CLCN4: variants seen among roughly 807,000 people sequenced by gnomAD.
CLCN4 encodes Cl-/H+ antiporter 4.
Under a neutral mutation model 41.7 loss-of-function variants are expected in CLCN4, and 1 was observed. The ratio of observed to expected loss-of-function variants is 0.02; its 90% CI spans 0.01 to 0.11. The LOEUF (loss-of-function observed/expected upper bound fraction) is 0.11, where lower values mean the gene tolerates loss of function less well. Among genes scored for constraint, CLCN4 ranks in the 10% least tolerant of loss-of-function variants. CLCN4 has a pLI of 1.00. For synonymous variants in CLCN4, 277 were observed against 285.8 expected (o/e 0.97, Z 0.31); for missense variants, 287 against 661.0 (o/e 0.43, Z 6.20).
rs780096372 is a variant in CLCN4, at chrX:10,233,509, C to T, written c.2208C>T (p.Ile736=). 2 of 1,207,974 alleles carry T rather than the reference C, an allele frequency of 1.7e-6. No individual in the cohort carries two copies. Among genetic ancestry groups the T allele is most frequent in the Non-Finnish European group, 1.1e-6 (1 of 892,211 alleles). The change falls in exon 13 of 13, where the codon ATC becomes ATT. Residue 736 remains isoleucine, a synonymous_variant. Transcript: ENST00000380833. ...TCTTCTCCAGGAGACTTCTTGGCAT[C>T]ATCACAAAAAAGGATGTTCTGAGAC... ...LVTRSGRLLG[I]ITKKDVLRHM...
At chrX:10,229,305 A>G in intron 12 of CLCN4, among the ~76,000 whole-genome samples, 1 of 110,837 alleles carries the variant, frequency 9.0e-6, no homozygotes, top group Non-Finnish European at 1.9e-5. Flanking sequence ...TCTGGGAGGA[A>G]ACCTTGTTTA....
At chrX:10,163,098 C>T (rs764932328) in intron 2 of CLCN4, among the ~76,000 whole-genome samples, 4 of 113,735 alleles carry the variant, frequency 3.5e-5, no homozygotes, top group Non-Finnish European at 7.5e-5. Flanking sequence ...TTAACCTGTG[C>T]TCCAGGTGCC....
chrX:10,160,425 T>C (rs1923062031), intron 2 of CLCN4, among the ~76,000 whole-genome samples: 1 of 108,488 alleles, frequency 9.2e-6, no homozygotes, highest in African/African-American at 3.4e-5. Flanking sequence ...GAAAGGAGAG[T>C]GTTAGGGAAA....
intron 12 of CLCN4, among the ~76,000 whole-genome samples, chrX:10,226,257 A>G (rs1002855390): frequency 1.8e-5 from 2 of 111,572 alleles, no homozygotes; most frequent in Non-Finnish European, 3.8e-5. Flanking sequence ...CCACCACACA[A>G]CTACATGGAA....
At chrX:10,218,372 A>G (rs1282897330) in intron 11 of CLCN4, among the ~76,000 whole-genome samples, 2 of 111,972 alleles carry the variant, frequency 1.8e-5, no homozygotes, top group Non-Finnish European at 3.8e-5. Context: ...CTTTTTCAAC[A>G]CAGACTCCCA....
rs1026361823 is a variant in CLCN4 at position 10,214,848 on chromosome X, C to G, written c.1975+769C>G. Among the ~76,000 whole-genome samples, 3 of 111,267 alleles carry G rather than the reference C, an allele frequency of 2.7e-5. No homozygotes were observed. The East Asian group carries it at 8.5e-4, about 32-fold the overall frequency. Reference sequence around the variant, plus strand: ...GGGATGGCTCCAACAGAAGGGTAAACAGGAGGTAGGAGAATTCCTAAGACA... The same window carrying G: ...GGGATGGCTCCAACAGAAGGGTAAAGAGGAGGTAGGAGAATTCCTAAGACA... On this transcript the variant is annotated intron_variant, in intron 11 of 12. Coordinates refer to ENST00000380833, the MANE Select transcript of CLCN4 (RefSeq NM_001830.4).
chrX:10,199,845 G>A (rs995993084), intron 6 of CLCN4, among the ~76,000 whole-genome samples: 1 of 110,331 alleles, frequency 9.1e-6, no homozygotes, highest in Non-Finnish European at 1.9e-5. Flanking sequence ...TGCAACCTCC[G>A]TTTCCCAGGT....
chrX:10,222,223 A>G (rs1410658238), intron 12 of CLCN4, among the ~76,000 whole-genome samples: 1 of 112,070 alleles, frequency 8.9e-6, no homozygotes, highest in Admixed American at 9.4e-5. Flanking sequence ...CCAGAGAAGC[A>G]GTTCCTTAAA....
At chrX:10,223,433 C>T (rs1924907561) in intron 12 of CLCN4, among the ~76,000 whole-genome samples, 1 of 111,902 alleles carries the variant, frequency 8.9e-6, no homozygotes, top group Non-Finnish European at 1.9e-5. Flanking sequence ...ATCGCACTCT[C>T]TCTCGCTCTA....
chrX:10,172,880 C>G (rs1923419728), intron 2 of CLCN4, among the ~76,000 whole-genome samples: 1 of 111,770 alleles, frequency 8.9e-6, no homozygotes, highest in Non-Finnish European at 1.9e-5. Context: ...GAACAGCGGT[C>G]TGTTGTATAA....
intron 2 of CLCN4, among the ~76,000 whole-genome samples, chrX:10,174,163 G>A (rs1366220985): frequency 8.9e-6 from 1 of 112,088 alleles, no homozygotes; most frequent in African/African-American, 3.2e-5. Context: ...GGTAGGGTTG[G>A]TGGTTCCAAG....
intron 4 of CLCN4, among the ~76,000 whole-genome samples, chrX:10,189,597 T>C (rs957256095): frequency 6.3e-5 from 7 of 111,695 alleles, no homozygotes; most frequent in Admixed American, 9.5e-5. Flanking sequence ...CAGTGTTCTT[T>C]TGATTTGGAT....
At chrX:10,169,677 C>G (rs749018029) in intron 2 of CLCN4, among the ~76,000 whole-genome samples, 1 of 111,224 alleles carries the variant, frequency 9.0e-6, no homozygotes, top group African/African-American at 3.3e-5. Flanking sequence ...GTTTCAAAAC[C>G]ACTCACGTGT....
At chrX:10,184,689 C>T (rs1262728820) in intron 2 of CLCN4, among the ~76,000 whole-genome samples, 1 of 111,661 alleles carries the variant, frequency 9.0e-6, no homozygotes, top group African/African-American at 3.3e-5. Context: ...AATAACTCAA[C>T]AATATCTATT....
intron 2 of CLCN4, among the ~76,000 whole-genome samples, chrX:10,182,672 C>G (rs1008303891): frequency 1.8e-5 from 2 of 112,373 alleles, no homozygotes; most frequent in African/African-American, 6.5e-5. Context: ...GTGATCCACC[C>G]GCCTCGGCCT....
At chrX:10,222,423 T>G (rs1924883427) in intron 12 of CLCN4, among the ~76,000 whole-genome samples, 1 of 111,583 alleles carries the variant, frequency 9.0e-6, no homozygotes, top group Non-Finnish European at 1.9e-5. Flanking sequence ...TAGGCCTTTA[T>G]AGACTCCAGA....
At chrX:10,163,397 T>A (rs1923159466) in intron 2 of CLCN4, among the ~76,000 whole-genome samples, 1 of 103,125 alleles carries the variant, frequency 9.7e-6, no homozygotes, top group South Asian at 4.6e-4. Flanking sequence ...TTTTTTTAAA[T>A]GACTTTCATT....
At chrX:10,213,442 C>T (rs923393026) in intron 10 of CLCN4, among the ~76,000 whole-genome samples, 6 of 111,912 alleles carry the variant, frequency 5.4e-5, no homozygotes, top group African/African-American at 1.3e-4. Flanking sequence ...ATAGACAACC[C>T]GGGATCCGTC....
intron 2 of CLCN4, among the ~76,000 whole-genome samples, chrX:10,180,796 A>G (rs1336315906): frequency 1.0e-4 from 10 of 99,104 alleles, no homozygotes; most frequent in African/African-American, 3.8e-4. Flanking sequence ...AAAAAAAAAG[A>G]AAGAAAGAAA....
Sources: gnomAD v4.1 joint callset for allele counts (sites outside exome capture counted in the v4.1 genomes callset) on GRCh38, gnomAD v4.1.1 for gene constraint, MANE v1.5 for transcripts, NCBI Gene and HGNC (gene_info 2026-07-23, HGNC 2026-07-21) for gene names.